RBFOX1: variants seen among roughly 807,000 people sequenced by gnomAD.
RBFOX1 encodes RNA binding fox-1 homolog 1.
In RBFOX1, 8 loss-of-function variants were observed where a neutral mutation model predicts 57.7. The observed-to-expected ratio is 0.14, with a 90% confidence interval of 0.08 to 0.25. RBFOX1 has a LOEUF of 0.25. RBFOX1 is among the 10% of genes least tolerant of loss of function. The pLI is 1.00. For missense variants in RBFOX1, 611 were observed against 548.5 expected (o/e 1.11, Z -1.14); for synonymous variants, 326 against 222.4 (o/e 1.47, Z -4.15).
intron 4 of RBFOX1, among the ~76,000 whole-genome samples, chr16:7,409,991 G>A (rs1332777352): frequency 6.6e-6 from 1 of 152,172 alleles, no homozygotes; most frequent in African/African-American, 2.4e-5. Context: ...AGGACCAGGG[G>A]ACACAGCTGG....
chr16:6,992,693 A>G (rs2091685640), intron 3 of RBFOX1, among the ~76,000 whole-genome samples: 2 of 152,172 alleles, frequency 1.3e-5, no homozygotes, highest in African/African-American at 4.8e-5. Flanking sequence ...AAAGGGCTTC[A>G]GAAACCAGCT....
chr16:6,041,250 A>G (rs2095433366), intron 1 of RBFOX1, among the ~76,000 whole-genome samples: 1 of 152,090 alleles, frequency 6.6e-6, no homozygotes, highest in Admixed American at 6.6e-5. Context: ...GTCAAACAGT[A>G]TTATTTCTGC....
chr16:5,783,575 C>G (rs895061822), intron 3 of RBFOX1, among the ~76,000 whole-genome samples: 1 of 152,210 alleles, frequency 6.6e-6, no homozygotes, highest in South Asian at 2.1e-4. Flanking sequence ...CCAGCTCTGA[C>G]CCATTCATGC....
chr16:7,561,541 G>A (rs1483134155), intron 5 of RBFOX1, among the ~76,000 whole-genome samples: 5 of 152,202 alleles, frequency 3.3e-5, no homozygotes, highest in African/African-American at 9.6e-5. Context: ...CAGTTTATGT[G>A]ACAGGATTCT....
At chr16:6,311,300 A>AAAC (rs1381217507) in intron 1 of RBFOX1, among the ~76,000 whole-genome samples, 1 of 141,878 alleles carries the variant, frequency 7.0e-6, no homozygotes, top group African/African-American at 2.7e-5. Context: ...TGTCTCAAAA[A>AAAC]AAAAAAAAAA....
intron 2 of RBFOX1, among the ~76,000 whole-genome samples, chr16:6,332,481 G>C (rs893283756): frequency 2.0e-5 from 3 of 152,210 alleles, no homozygotes; most frequent in Admixed American, 2.0e-4. Context: ...AGGGATGGCA[G>C]GAATAATGTT....
chr16:7,198,617 A>T (rs781614547), intron 4 of RBFOX1, among the ~76,000 whole-genome samples: 1 of 152,176 alleles, frequency 6.6e-6, no homozygotes, highest in Non-Finnish European at 1.5e-5. Context: ...TGCATATCAC[A>T]TGGGCTTTCC....
chr16:6,005,040 G>T (rs753583493), intron 4 of RBFOX1, among the ~76,000 whole-genome samples: 2 of 152,186 alleles, frequency 1.3e-5, no homozygotes, highest in Admixed American at 1.3e-4. Flanking sequence ...TTTAAGAAGA[G>T]AGTGTGTTTT....
intron 3 of RBFOX1, among the ~76,000 whole-genome samples, chr16:6,687,476 C>G (rs143482828): frequency 5.3e-5 from 8 of 152,198 alleles, no homozygotes; most frequent in African/African-American, 1.9e-4. Flanking sequence ...AATAATTAAA[C>G]TTAAAAGTGG....
chr16:5,831,767 C>G (rs563588898), intron 3 of RBFOX1, among the ~76,000 whole-genome samples: 1 of 152,178 alleles, frequency 6.6e-6, no homozygotes, highest in East Asian at 1.9e-4. Flanking sequence ...TACCCCGTGT[C>G]AAGTATTCCT....
intron 2 of RBFOX1, among the ~76,000 whole-genome samples, chr16:5,535,874 A>G (rs1567204037): frequency 6.6e-6 from 1 of 152,172 alleles, no homozygotes; most frequent in Non-Finnish European, 1.5e-5. Flanking sequence ...TACTGCTGAG[A>G]TGGCTGAAGA....
intron 3 of RBFOX1, among the ~76,000 whole-genome samples, chr16:5,776,766 C>A (rs1046905403): frequency 6.6e-6 from 1 of 152,184 alleles, no homozygotes; most frequent in Admixed American, 6.5e-5. Context: ...TGTCCTTATG[C>A]AAATATCTAC....
At chr16:6,448,183 G>A (rs568135615) in intron 2 of RBFOX1, among the ~76,000 whole-genome samples, 9 of 54,894 alleles carry the variant, frequency 1.6e-4, no homozygotes, top group Middle Eastern at 0.019. Flanking sequence ...TTTTTGAGAT[G>A]GAATCCTGCT....
intron 3 of RBFOX1, among the ~76,000 whole-genome samples, chr16:5,642,577 T>C (rs916446516): frequency 1.3e-5 from 2 of 152,136 alleles, no homozygotes; most frequent in African/African-American, 2.4e-5. Context: ...GGTGCGGTGA[T>C]TGGAGATTGT....
intron 4 of RBFOX1, among the ~76,000 whole-genome samples, chr16:7,223,470 C>G (rs747943899): frequency 6.6e-6 from 1 of 152,020 alleles, no homozygotes; most frequent in Non-Finnish European, 1.5e-5. Context: ...ATTGGTAATG[C>G]GAATGATAGA....
At position 5,505,194 on chromosome 16, in the gene RBFOX1, A is replaced by G. The variant is rs573498386; in HGVS notation, c.258+37940A>G. Among the ~76,000 whole-genome samples, 12 of 152,322 alleles carry G rather than the reference A, an allele frequency of 7.9e-5. No homozygotes were observed. In the South Asian group the frequency reaches 2.3e-3, roughly 29 times the overall value. ...ATTGTAGGCTGCATAAACCTCTTGT[A>G]TGACCCCTTCTTGCCCCCTTCTCCT... On this transcript the variant is annotated intron_variant, in intron 2 of 2. Coordinates refer to the RBFOX1 transcript ENST00000585867.
At chr16:6,588,813 G>A in intron 2 of RBFOX1, among the ~76,000 whole-genome samples, 1 of 152,130 alleles carries the variant, frequency 6.6e-6, no homozygotes, top group East Asian at 1.9e-4. Flanking sequence ...GCACTTTGTG[G>A]AGAGTGCTCC....
intron 2 of RBFOX1, among the ~76,000 whole-genome samples, chr16:6,323,150 C>G (rs959035440): frequency 1.3e-5 from 2 of 152,100 alleles, no homozygotes; most frequent in Non-Finnish European, 2.9e-5. Context: ...AGACAGAGAG[C>G]TAAAAGAAGA....
At chr16:5,433,267 C>T (rs1267126807) in intron 1 of RBFOX1, among the ~76,000 whole-genome samples, 3 of 152,152 alleles carry the variant, frequency 2.0e-5, no homozygotes, top group Non-Finnish European at 2.9e-5. Context: ...TGAAAGGAGG[C>T]CCCTTGACTG....
Sources: allele counts gnomAD v4.1 joint callset (sites outside exome capture counted in the v4.1 genomes callset), GRCh38; gene constraint gnomAD v4.1.1; transcripts MANE v1.5; gene names NCBI Gene and HGNC (gene_info 2026-07-23, HGNC 2026-07-21).